ASXL2: variants seen among roughly 807,000 people sequenced by gnomAD.
ASXL2 encodes ASXL transcriptional regulator 2, also known as putative Polycomb group protein ASXL2.
In ASXL2, 23 loss-of-function variants were observed where a neutral mutation model predicts 122.0. The ratio of observed to expected loss-of-function variants is 0.19; its 90% CI spans 0.14 to 0.27. ASXL2 has a LOEUF of 0.27. Among genes scored for constraint, ASXL2 ranks in the 10% least tolerant of loss-of-function variants. ASXL2 has a pLI of 1.00. For missense variants in ASXL2, 1,518 were observed against 1,713.8 expected (o/e 0.89, Z 2.02); for synonymous variants, 650 against 637.0 (o/e 1.02, Z -0.31).
chr2:25,830,683 G>A (rs1265858327), intron 3 of ASXL2: 3 of 150,452 alleles, frequency 2.0e-5, no homozygotes, highest in African/African-American at 7.3e-5. Context: ...TCATAAAAAT[G>A]CTTCAAGAAC....
intron 6 of ASXL2, 136 bp downstream of exon 6, chr2:25,771,304 A>G (rs1010441587): frequency 6.1e-6 from 4 of 659,314 alleles, no homozygotes; most frequent in Non-Finnish European, 1.0e-5. Flanking sequence ...CTAAAACCAC[A>G]TTGGGCTACT....
At chr2:25,872,646 G>A (rs1027104928) in intron 1 of ASXL2, among the ~76,000 whole-genome samples, 9 of 152,082 alleles carry the variant, frequency 5.9e-5, no homozygotes, top group Admixed American at 4.6e-4. Context: ...TGATAAGGGA[G>A]AAATAACTAT....
Position 25,768,885 on chromosome 2 carries a change from G to C in ASXL2, c.505-17C>G, listed in dbSNP as rs1285382158. 6.2e-7 allele frequency: 1 copy of C among 1,609,570 alleles called. No individual in the cohort carries two copies. Among genetic ancestry groups the C allele is most frequent in the East Asian group, 2.2e-5 (1 of 44,850 alleles). ...CTTTAGCGCCTATAAAGATAAAACAGACTATAAGAAACAAAACCAATCAGT... is the reference window on the plus strand; with the variant it reads ...CTTTAGCGCCTATAAAGATAAAACACACTATAAGAAACAAAACCAATCAGT... On this transcript the variant is annotated splice_polypyrimidine_tract_variant and intron_variant, in intron 6 of 12. Transcript: ENST00000435504.
chr2:25,801,604 GAAATAT>G (rs138560321), intron 4 of ASXL2, among the ~76,000 whole-genome samples: 6,519 of 152,194 alleles, frequency 0.043, 211 homozygotes, highest in African/African-American at 0.082. Context: ...ACAAGTATCT[GAAATAT>G]AAATATAATT....
intron 1 of ASXL2, among the ~76,000 whole-genome samples, chr2:25,862,766 A>AT (rs879348817): frequency 7.8e-4 from 113 of 145,180 alleles, no homozygotes; most frequent in African/African-American, 1.7e-3. Context: ...TGCCCTGCTA[A>AT]TTTTTTTTTT....
chr2:25,777,174 G>A (rs1383151614), intron 5 of ASXL2, among the ~76,000 whole-genome samples: 1 of 152,092 alleles, frequency 6.6e-6, no homozygotes, highest in Non-Finnish European at 1.5e-5. Flanking sequence ...CTGCAGCCTT[G>A]ACCTCCGAGG....
intron 3 of ASXL2, chr2:25,809,940 G>T (rs1259896049): frequency 1.9e-6 from 1 of 522,224 alleles, no homozygotes; most frequent in Non-Finnish European, 3.8e-6. Context: ...TCTCATTCAG[G>T]TCAAGCAGAG....
intron 5 of ASXL2, among the ~76,000 whole-genome samples, chr2:25,798,697 G>A (rs1349037201): frequency 6.6e-6 from 1 of 152,166 alleles, no homozygotes; most frequent in African/African-American, 2.4e-5. Context: ...CCAGGAGGCA[G>A]AAGTTGCAAT....
Position 25,759,473 on chromosome 2 carries a change from A to G in ASXL2, c.939+9T>C, listed in dbSNP as rs372096384. The G allele has an allele frequency of 1.1e-5, 18 of 1,612,860 alleles. No homozygotes were observed. The highest frequency in any genetic ancestry group is 6.7e-5 in the Admixed American group (4 of 60,008). On this transcript the variant is annotated intron_variant, in intron 9 of 12. Transcript: ENST00000435504. ...TATTTTTAAAATCTTAAGGAGTTCA[A>G]TGACGCACCTGTCGATCTACCTCTG...
At chr2:25,829,305 C>T (rs961838211) in intron 3 of ASXL2, among the ~76,000 whole-genome samples, 1 of 151,976 alleles carries the variant, frequency 6.6e-6, no homozygotes, top group Non-Finnish European at 1.5e-5. Context: ...CACACACACA[C>T]ACACACACGA....
chr2:25,819,353 A>G (rs1387498887), intron 3 of ASXL2, among the ~76,000 whole-genome samples: 4 of 152,236 alleles, frequency 2.6e-5, no homozygotes, highest in Admixed American at 2.0e-4. Flanking sequence ...AATGAGAAAC[A>G]AGATGTTTAC....
intron 12 of ASXL2, 77 bp downstream of exon 12, chr2:25,749,619 C>T: frequency 8.5e-7 from 1 of 1,176,898 alleles, no homozygotes; most frequent in Non-Finnish European, 1.2e-6. Flanking sequence ...CCACAATTTA[C>T]TTGAAATTTA....
rs2087908672 is a variant in ASXL2 at position 25,744,598 on chromosome 2, G to GTACT, written c.1861-123_1861-122insAGTA. On this transcript the variant is annotated intron_variant, in intron 12 of 12. Coordinates refer to ENST00000435504, the MANE Select transcript of ASXL2 (RefSeq NM_018263.6). This position sits in a 1 kb window ranked among gnomAD's most constrained non-coding sequence, Gnocchi z 4.7. ...CACTACAGTACCTGTGACAAACATG[G>GTACT]GTGGTCTATGGCCGAGAGGCCAAAC... is the stretch of plus-strand genomic sequence containing the variant. 1.5e-5 allele frequency: 17 copies of GTACT among 1,158,414 alleles called. No individual in the cohort carries two copies. The highest frequency in any genetic ancestry group is 2.0e-5 in the Non-Finnish European group (17 of 846,838). 71.8% of individuals were successfully genotyped at this position (1,158,414 alleles called of 1,614,324 possible).
chr2:25,834,496 C>G (rs551089196), intron 3 of ASXL2, among the ~76,000 whole-genome samples: 1 of 152,304 alleles, frequency 6.6e-6, no homozygotes, highest in Non-Finnish European at 1.5e-5. Context: ...TCCACAAACT[C>G]TTGCTTACAA....
intron 5 of ASXL2, among the ~76,000 whole-genome samples, chr2:25,791,162 TTCTC>T (rs1434368337): frequency 4.0e-5 from 6 of 151,884 alleles, no homozygotes; most frequent in African/African-American, 1.2e-4. Context: ...AGTGTCTCCA[TTCTC>T]TCTCTTATCT....
intron 5 of ASXL2, among the ~76,000 whole-genome samples, chr2:25,796,183 T>C (rs2088908837): frequency 6.6e-6 from 1 of 152,196 alleles, no homozygotes; most frequent in Non-Finnish European, 1.5e-5. Flanking sequence ...TGGTAGTGAA[T>C]TATAACTATT....
chr2:25,765,489 A>AG (rs1319958355), intron 8 of ASXL2, among the ~76,000 whole-genome samples: 2 of 151,942 alleles, frequency 1.3e-5, no homozygotes, highest in Non-Finnish European at 2.9e-5. Flanking sequence ...TCTCAAAAAA[A>AG]GAAAAAAAAA....
chr2:25,789,306 T>C (rs552757030), intron 5 of ASXL2, among the ~76,000 whole-genome samples: 1 of 150,464 alleles, frequency 6.6e-6, no homozygotes, highest in Admixed American at 6.6e-5. Flanking sequence ...AGAAGGTGAA[T>C]GATTCTTACA....
At chr2:25,848,418 C>G (rs2089675191) in intron 1 of ASXL2, among the ~76,000 whole-genome samples, 1 of 151,674 alleles carries the variant, frequency 6.6e-6, no homozygotes, top group Non-Finnish European at 1.5e-5. Flanking sequence ...GTCAGGAGAT[C>G]GAGACCATCC....
Sources: gnomAD v4.1 joint callset for allele counts (sites outside exome capture counted in the v4.1 genomes callset) on GRCh38, gnomAD v4.1.1 for gene constraint, Gnocchi (gnomAD v3.1) non-coding constraint, MANE v1.5 for transcripts, NCBI Gene and HGNC (gene_info 2026-07-23, HGNC 2026-07-21) for gene names.